Variants in DMD observed in about 807,000 individuals in gnomAD.
DMD encodes dystrophin.
Under a neutral mutation model 330.1 loss-of-function variants are expected in DMD, and 63 were observed. That is an observed-to-expected ratio of 0.19 (90% CI 0.16 to 0.24). The LOEUF (loss-of-function observed/expected upper bound fraction) is 0.24, where lower values mean the gene tolerates loss of function less well. DMD is among the 10% of genes least tolerant of loss of function. The pLI, the probability that DMD is intolerant of heterozygous loss-of-function variation, is 1.00. For missense variants in DMD, 3,344 were observed against 2,684.1 expected (o/e 1.25, Z -5.43); for synonymous variants, 1,223 against 959.8 (o/e 1.27, Z -5.07).
chrX:33,314,038 G>A (rs1421494876), intron 1 of DMD, among the ~76,000 whole-genome samples: 5 of 109,152 alleles, frequency 4.6e-5, no homozygotes, highest in Non-Finnish European at 7.6e-5. Context: ...ATGCAACTGA[G>A]TGTGTGTTTG....
chrX:32,777,277 T>TGGGGGGGGGGGGGGGGTTGGGG (rs546914107), intron 7 of DMD, among the ~76,000 whole-genome samples: 1 of 2,113 alleles, frequency 4.7e-4, no homozygotes, highest in African/African-American at 3.1e-3. Flanking sequence ...GGTTTCTGGT[T>TGGGGGGGGGGGGGGGGTTGGGG]GGGGGGGGAA....
intron 16 of DMD, among the ~76,000 whole-genome samples, chrX:32,550,375 C>T (rs932710540): frequency 9.0e-6 from 1 of 111,472 alleles, no homozygotes; most frequent in African/African-American, 3.3e-5. Context: ...AAACAAACTG[C>T]TCCTGAATGA....
chrX:31,367,143 T>C (rs2059303969), intron 60 of DMD, among the ~76,000 whole-genome samples: 1 of 111,409 alleles, frequency 9.0e-6, no homozygotes, highest in South Asian at 3.8e-4. Flanking sequence ...TATTCCATTC[T>C]GGGGCTCATT....
chrX:32,501,058 G>A (rs2044003825), intron 19 of DMD, among the ~76,000 whole-genome samples: 1 of 112,016 alleles, frequency 8.9e-6, no homozygotes, highest in South Asian at 3.6e-4. Flanking sequence ...AAATATAGTA[G>A]TATAGCAATG....
chrX:31,391,889 G>A (rs945259457), intron 60 of DMD, among the ~76,000 whole-genome samples: 4 of 108,999 alleles, frequency 3.7e-5, no homozygotes, highest in Non-Finnish European at 7.6e-5. Context: ...AAAACAAAAA[G>A]CAAGCAAAAA....
chrX:31,678,218 T>A (rs923153910), intron 53 of DMD, among the ~76,000 whole-genome samples: 1 of 111,988 alleles, frequency 8.9e-6, no homozygotes, highest in African/African-American at 3.2e-5. Flanking sequence ...ATGGAAGCCA[T>A]TTCATCCAAG....
At chrX:32,253,712 C>A (rs1378935291) in intron 43 of DMD, among the ~76,000 whole-genome samples, 4 of 107,760 alleles carry the variant, frequency 3.7e-5, no homozygotes, top group South Asian at 4.2e-4. Flanking sequence ...CAACCTCCGC[C>A]TGCTGGGTTC....
chrX:31,931,931 G>T (rs2094859503), intron 46 of DMD, 149 bp downstream of exon 46: 1 of 623,700 alleles, frequency 1.6e-6, no homozygotes, highest in Non-Finnish European at 2.5e-6. Flanking sequence ...GAACTGCAGG[G>T]TTAAGAAGAA....
chrX:31,467,645 G>A (rs756057892), intron 59 of DMD, among the ~76,000 whole-genome samples: 2 of 111,813 alleles, frequency 1.8e-5, no homozygotes, highest in African/African-American at 6.5e-5. Context: ...TTGTGTCTCT[G>A]CCAGGTTTTG....
At chrX:32,870,397 G>A (rs1321254959) in intron 2 of DMD, among the ~76,000 whole-genome samples, 1 of 111,478 alleles carries the variant, frequency 9.0e-6, no homozygotes, top group Non-Finnish European at 1.9e-5. Flanking sequence ...ATCTACCATT[G>A]ACATTATTCA....
In DMD at chrX:32,429,387, G is replaced by GTTTTTTTTTTTTTTTTTTTTT. The variant is rs10692022; in HGVS notation, c.4071+8833_4071+8853dup. 9.7e-4 allele frequency among the ~76,000 whole-genome samples: 43 copies of GTTTTTTTTTTTTTTTTTTTTT among 44,203 alleles called. 5 individuals are homozygous for GTTTTTTTTTTTTTTTTTTTTT. The highest frequency in any genetic ancestry group is 1.5e-3 in the African/African-American group (14 of 9,045). 38.4% of individuals were successfully genotyped at this position (44,203 alleles called of 115,157 possible). ...ACCAAGCCTGGATACTTTTTTTTGG[G>GTTTTTTTTTTTTTTTTTTTTT]TTTTTTTTTTTTTTTTTTTTTTTTG... On this transcript the variant is annotated intron_variant, in intron 29 of 78. Coordinates refer to ENST00000357033, the MANE Select transcript of DMD (RefSeq NM_004006.3).
chrX:32,078,402 C>T (rs768146927), intron 44 of DMD, among the ~76,000 whole-genome samples: 2 of 112,016 alleles, frequency 1.8e-5, no homozygotes, highest in Admixed American at 1.9e-4. Context: ...CTTTTTATTC[C>T]ACTTTCACCC....
chrX:31,260,872 G>A (rs1267289901), intron 63 of DMD, 83 bp downstream of exon 63: 36 of 883,064 alleles, frequency 4.1e-5, no homozygotes, highest in Non-Finnish European at 5.6e-5. Flanking sequence ...TATTTATATA[G>A]CAAGTAACTT....
At chrX:32,783,272 TATATATACACC>T (rs1389227432) in intron 7 of DMD, among the ~76,000 whole-genome samples, 2 of 94,040 alleles carry the variant, frequency 2.1e-5, no homozygotes, top group Admixed American at 1.1e-4. Context: ...ACATATATGG[TATATATACACC>T]ATATATACAC....
At chrX:32,834,067 T>C (rs1268341199) in intron 4 of DMD, among the ~76,000 whole-genome samples, 1 of 111,443 alleles carries the variant, frequency 9.0e-6, no homozygotes, top group Non-Finnish European at 1.9e-5. Flanking sequence ...AACAAGTATT[T>C]TGAAAGAAGT....
chrX:32,837,935 C>A (rs954651971), intron 4 of DMD, among the ~76,000 whole-genome samples: 1 of 111,583 alleles, frequency 9.0e-6, no homozygotes, highest in African/African-American at 3.3e-5. Context: ...CTTGCACATC[C>A]AACTTCATAG....
chrX:32,040,415 A>C (rs1000389235), intron 44 of DMD, among the ~76,000 whole-genome samples: 3 of 111,531 alleles, frequency 2.7e-5, no homozygotes. Flanking sequence ...AGCAGTTTCC[A>C]CTCTGTGGAA....
intron 42 of DMD, among the ~76,000 whole-genome samples, chrX:32,307,085 G>C (rs1374350842): frequency 9.0e-6 from 1 of 111,037 alleles, no homozygotes; most frequent in Non-Finnish European, 1.9e-5. Flanking sequence ...TAACTACACA[G>C]TAAATATGTC....
chrX:32,930,403 TTAG>T (rs1407786811), intron 2 of DMD, among the ~76,000 whole-genome samples: 2 of 110,470 alleles, frequency 1.8e-5, no homozygotes, highest in African/African-American at 6.6e-5. Flanking sequence ...ATTATTATTA[TTAG>T]GTCTAGTATT....
Sources: allele counts gnomAD v4.1 joint callset (sites outside exome capture counted in the v4.1 genomes callset), GRCh38; gene constraint gnomAD v4.1.1; transcripts MANE v1.5; gene names NCBI Gene and HGNC (gene_info 2026-07-23, HGNC 2026-07-21).